GPR158: variants seen among roughly 807,000 people sequenced by gnomAD.
GPR158 encodes the protein metabotropic glycine receptor.
Under a neutral mutation model 78.2 loss-of-function variants are expected in GPR158, and 30 were observed. That is an observed-to-expected ratio of 0.38 (90% confidence interval 0.29 to 0.52). GPR158 has a LOEUF of 0.52. Ranked by LOEUF, GPR158 falls within the 20% of genes least tolerant of loss-of-function variation. The pLI, the probability that GPR158 is intolerant of heterozygous loss-of-function variation, is 0.83. For synonymous variants in GPR158, 581 were observed against 591.1 expected, an observed-to-expected ratio of 0.98 and a Z score of 0.25; for missense variants, 1,463 against 1,523.5, an observed-to-expected ratio of 0.96 and a Z score of 0.66.
At chr10:25,281,525 C>T (rs895100721) in intron 2 of GPR158, among the ~76,000 whole-genome samples, 4 of 151,980 alleles carry the variant, frequency 2.6e-5, no homozygotes, top group African/African-American at 4.8e-5. Context: ...CTGCAGTGAG[C>T]CAAGATTGCA....
At chr10:25,468,438 T>G (rs575632610) in intron 5 of GPR158, among the ~76,000 whole-genome samples, 4 of 152,178 alleles carry the variant, frequency 2.6e-5, no homozygotes, top group Non-Finnish European at 5.9e-5. Context: ...CTAATTATAC[T>G]TTTCTTCCCA....
intron 2 of GPR158, among the ~76,000 whole-genome samples, chr10:25,362,647 G>A (rs773842912): frequency 6.6e-6 from 1 of 151,790 alleles, no homozygotes; most frequent in African/African-American, 2.4e-5. Context: ...AGTTTTCAGT[G>A]TACAAATCTT....
intron 3 of GPR158, among the ~76,000 whole-genome samples, chr10:25,404,324 A>T (rs762348414): frequency 1.3e-5 from 2 of 152,084 alleles, no homozygotes; most frequent in Admixed American, 6.6e-5. Flanking sequence ...ATACATTGTT[A>T]AAGAGGCAGT....
At chr10:25,378,546 T>C (rs554300572) in intron 2 of GPR158, among the ~76,000 whole-genome samples, 1 of 152,110 alleles carries the variant, frequency 6.6e-6, no homozygotes, top group African/African-American at 2.4e-5. Context: ...TCTTTTCTTA[T>C]GTTATTTGGT....
At chr10:25,274,082 A>G (rs571357395) in intron 2 of GPR158, among the ~76,000 whole-genome samples, 9 of 152,276 alleles carry the variant, frequency 5.9e-5, no homozygotes, top group African/African-American at 2.2e-4. Flanking sequence ...TCCTTTTGCA[A>G]TTGGGATATT....
intron 6 of GPR158, among the ~76,000 whole-genome samples, chr10:25,563,223 CTACCTTTTAGTTTACATTTAATGTTAT>C (rs1836881146): frequency 6.6e-6 from 1 of 152,062 alleles, no homozygotes; most frequent in Non-Finnish European, 1.5e-5. Flanking sequence ...TCTACCATTT[CTACCTTTTAGTTTACATTTAATGTTAT>C]TACTCTTAAG....
chr10:25,199,363 C>T (rs1241351474), intron 1 of GPR158, among the ~76,000 whole-genome samples: 1 of 152,138 alleles, frequency 6.6e-6, no homozygotes, highest in Non-Finnish European at 1.5e-5. Context: ...TATTTGCATC[C>T]ATGTGTTCTC....
intron 3 of GPR158, among the ~76,000 whole-genome samples, chr10:25,400,400 A>G (rs1834427701): frequency 6.6e-6 from 1 of 152,202 alleles, no homozygotes; most frequent in Non-Finnish European, 1.5e-5. Context: ...CTGTTAAAAT[A>G]TGAAGTGATT....
rs145401053 is a variant in GPR158 at position 25,437,308 on chromosome 10, C to A, written c.1335+24835C>A. Among the ~76,000 whole-genome samples, 13 of 152,126 alleles carry A rather than the reference C, an allele frequency of 8.5e-5. No homozygotes were observed. In the East Asian group the frequency reaches 2.3e-3, roughly 27 times the overall value. Reference sequence around the variant, plus strand: ...TGGTACAGTCTCAGCTCACTGCAACCTCCACCTCCTGGGTTCAAGAGATCC... The same window carrying A: ...TGGTACAGTCTCAGCTCACTGCAACATCCACCTCCTGGGTTCAAGAGATCC... On this transcript the variant is annotated intron_variant, in intron 4 of 10. Coordinates refer to ENST00000376351, the MANE Select transcript of GPR158 (RefSeq NM_020752.3).
rs543349002 is a variant in GPR158 at position 25,389,120 on chromosome 10, C to A, written c.1009-6791C>A. On this transcript the variant is annotated intron_variant, in intron 2 of 10. Transcript: ENST00000376351. The stretch of plus-strand genomic sequence containing the variant: ...ATGGTGGCAGGCATCAGACAAGATC[C>A]TGGGAAGAAGAGGGGAGGGTCCCCA... Among the ~76,000 whole-genome samples, 3 of 152,344 alleles carry A rather than the reference C, an allele frequency of 2.0e-5. No individual in the cohort carries two copies. The South Asian group carries it at 6.2e-4, about 32-fold the overall frequency.
At chr10:25,457,723 A>G (rs1210512421) in intron 4 of GPR158, among the ~76,000 whole-genome samples, 1 of 152,228 alleles carries the variant, frequency 6.6e-6, no homozygotes, top group Non-Finnish European at 1.5e-5. Flanking sequence ...GCTTTTGATC[A>G]TGAGCATGAG....
chr10:25,449,299 T>G (rs1835182964), intron 4 of GPR158, among the ~76,000 whole-genome samples: 1 of 152,256 alleles, frequency 6.6e-6, no homozygotes, highest in South Asian at 2.1e-4. Flanking sequence ...TCATTGGATT[T>G]TATGGAAATT....
intron 5 of GPR158, among the ~76,000 whole-genome samples, chr10:25,497,306 T>C (rs1835894970): frequency 6.6e-6 from 1 of 152,234 alleles, no homozygotes; most frequent in Non-Finnish European, 1.5e-5. Context: ...TCCTGTGGAC[T>C]TAACATGTAT....
chr10:25,280,711 G>T (rs1016384273), intron 2 of GPR158, among the ~76,000 whole-genome samples: 1 of 115,704 alleles, frequency 8.6e-6, no homozygotes, highest in African/African-American at 4.1e-5. Flanking sequence ...CACATTTTAT[G>T]TATGTATGTA....
intron 2 of GPR158, among the ~76,000 whole-genome samples, chr10:25,232,083 G>T (rs1394561290): frequency 6.6e-6 from 1 of 152,094 alleles, no homozygotes; most frequent in Non-Finnish European, 1.5e-5. Flanking sequence ...TATGAAGTTA[G>T]TGAACAGATT....
chr10:25,197,296 T>C (rs1014917068), intron 1 of GPR158, among the ~76,000 whole-genome samples: 1 of 152,164 alleles, frequency 6.6e-6, no homozygotes, highest in African/African-American at 2.4e-5. Context: ...CTTACTATTA[T>C]TTAGGGAGAA....
intron 4 of GPR158, among the ~76,000 whole-genome samples, chr10:25,431,778 A>G (rs1192118970): frequency 2.0e-5 from 3 of 152,088 alleles, no homozygotes; most frequent in South Asian, 4.1e-4. Context: ...CAAACACCGC[A>G]TATTCTCACT....
At chr10:25,280,453 T>C (rs541944446) in intron 2 of GPR158, among the ~76,000 whole-genome samples, 103 of 152,304 alleles carry the variant, frequency 6.8e-4, no homozygotes, top group African/African-American at 2.4e-3. Flanking sequence ...CCTAATAAGA[T>C]AGCTTTAAGT....
chr10:25,189,917 A>C (rs1006296642), intron 1 of GPR158, among the ~76,000 whole-genome samples: 1 of 149,898 alleles, frequency 6.7e-6, no homozygotes, highest in East Asian at 2.0e-4. Context: ...AGGGGGGTAC[A>C]GTTTGGTGTA....
Sources: gnomAD v4.1 joint callset for allele counts (sites outside exome capture counted in the v4.1 genomes callset) on GRCh38, gnomAD v4.1.1 for gene constraint, MANE v1.5 for transcripts, NCBI Gene and HGNC (gene_info 2026-07-23, HGNC 2026-07-21) for gene names.